The following OTULIN variants were observed in gnomAD, a reference collection of about 807,000 sequenced individuals.
OTULIN encodes OTU deubiquitinase with linear linkage specificity.
Under a neutral mutation model 39.6 loss-of-function variants are expected in OTULIN, and 15 were observed. That is an observed-to-expected ratio of 0.38 (90% CI 0.25 to 0.58). OTULIN has a LOEUF of 0.58. OTULIN is among the 20% of genes least tolerant of loss of function. The pLI is 0.66. For missense variants in OTULIN, 319 were observed against 445.9 expected (o/e 0.72, Z 2.56); for synonymous variants, 156 against 170.3 (o/e 0.92, Z 0.65).
intron 4 of OTULIN, among the ~76,000 whole-genome samples, chr5:14,685,666 T>C (rs566069336): frequency 2.6e-5 from 4 of 152,324 alleles, no homozygotes; most frequent in Admixed American, 2.6e-4. Context: ...TTTCTCTCTG[T>C]GTAGTTAGGT....
rs1736170442 is a variant in OTULIN, at chr5:14,678,777, T to C, written c.324+2T>C. Reference sequence around the variant, plus strand: ...CAGAAAGCAACGTGTATGAAAATGGTATGACACAGAGGTGCACATATTTCA... The same window carrying C: ...CAGAAAGCAACGTGTATGAAAATGGCATGACACAGAGGTGCACATATTTCA... On this transcript the variant is annotated splice_donor_variant, in intron 3 of 6. Coordinates refer to ENST00000284274, the MANE Select transcript of OTULIN (RefSeq NM_138348.6). LOFTEE classifies it high-confidence loss of function. 1 of 1,596,190 alleles carries C rather than the reference T, an allele frequency of 6.3e-7. No individual in the cohort carries two copies. Among genetic ancestry groups the C allele is most frequent in the African/African-American group, 1.3e-5 (1 of 74,146 alleles).
chr5:14,714,665 A>G, the OTULIN span, among the ~76,000 whole-genome samples: 2 of 152,310 alleles, frequency 1.3e-5, no homozygotes, highest in South Asian at 2.1e-4. Flanking sequence ...AGGCAGGCAG[A>G]CAGACCCACT....
chr5:14,689,364 G>A (rs904187371), intron 5 of OTULIN, among the ~76,000 whole-genome samples: 1 of 152,134 alleles, frequency 6.6e-6, no homozygotes, highest in African/African-American at 2.4e-5. Flanking sequence ...TGATTCATAA[G>A]GAATGGTATT....
At chr5:14,668,785 G>A (rs1363953772) in intron 1 of OTULIN, among the ~76,000 whole-genome samples, 3 of 152,240 alleles carry the variant, frequency 2.0e-5, no homozygotes, top group Non-Finnish European at 2.9e-5. Context: ...TTTTCTGTAC[G>A]TATTTACTTG....
chr5:14,674,771 A>C (rs1317680546), intron 2 of OTULIN, among the ~76,000 whole-genome samples: 1 of 152,176 alleles, frequency 6.6e-6, no homozygotes, highest in African/African-American at 2.4e-5. Flanking sequence ...AATAAAAAAT[A>C]AAAATATAAA....
rs1255689768 is a variant in OTULIN, at chr5:14,699,456, C to T, written c.*6408C>T. ...GTCATGTGCAGCAGAAAGACCTCCC[C>T]ACTGTGAACAACAAACCACTTTCCT... is the stretch of plus-strand genomic sequence containing the variant. On this transcript the variant is annotated 3_prime_UTR_variant, in exon 7 of 7. Coordinates refer to ENST00000284274, the MANE Select transcript of OTULIN (RefSeq NM_138348.6). 6.6e-6 allele frequency: 1 copy of T among 152,242 alleles called. No homozygotes were observed. Among genetic ancestry groups the T allele is most frequent in the African/African-American group, 2.4e-5 (1 of 41,458 alleles). 9.4% of individuals were successfully genotyped at this position (152,242 alleles called of 1,614,324 possible).
intron 1 of OTULIN, among the ~76,000 whole-genome samples, chr5:14,672,691 C>T (rs191214553): frequency 1.3e-5 from 2 of 152,262 alleles, no homozygotes; most frequent in East Asian, 3.9e-4. Context: ...GACTTGATGC[C>T]TCCAGTTCCT....
Position 14,696,843 on chromosome 5 carries a change from T to A in OTULIN, c.*3795T>A, listed in dbSNP as rs1277942048. The stretch of plus-strand genomic sequence containing the variant: ...GGGGATGGGAAGACTAGGGAGCCAG[T>A]GCCACGTTGAACAGAACAGTGGTTT... On this transcript the variant is annotated 3_prime_UTR_variant, in exon 7 of 7. Coordinates refer to ENST00000284274, the MANE Select transcript of OTULIN (RefSeq NM_138348.6). 1 of 152,210 alleles carries A rather than the reference T, an allele frequency of 6.6e-6. No individual in the cohort carries two copies. The highest frequency in any genetic ancestry group is 2.4e-5 in the African/African-American group (1 of 41,434). 9.4% of individuals were successfully genotyped at this position (152,210 alleles called of 1,614,324 possible).
the OTULIN span, chr5:14,712,828 C>A: frequency 1.2e-5 from 18 of 1,545,832 alleles, no homozygotes; most frequent in Middle Eastern, 1.8e-4. Context: ...TCTCCTGCAC[C>A]CAGGAGGATG....
downstream of OTULIN, among the ~76,000 whole-genome samples, chr5:14,700,135 C>A (rs1736767789): frequency 6.6e-6 from 1 of 152,184 alleles, no homozygotes; most frequent in Non-Finnish European, 1.5e-5. Flanking sequence ...TCCTGGGAGC[C>A]ATCTGTTCAT....
At chr5:14,691,892 A>G (rs1203438219) in intron 6 of OTULIN, among the ~76,000 whole-genome samples, 1 of 152,166 alleles carries the variant, frequency 6.6e-6, no homozygotes, top group East Asian at 1.9e-4. Flanking sequence ...TGTTTTTAAG[A>G]TTTCATCCAT....
At chr5:14,667,070 T>C (rs1735867757) in intron 1 of OTULIN, among the ~76,000 whole-genome samples, 1 of 152,238 alleles carries the variant, frequency 6.6e-6, no homozygotes, top group Admixed American at 6.5e-5. Context: ...AGAGGAATTA[T>C]TTAAAATGTT....
chr5:14,673,316 A>G (rs546854102), intron 1 of OTULIN, among the ~76,000 whole-genome samples: 1 of 152,336 alleles, frequency 6.6e-6, no homozygotes, highest in Non-Finnish European at 1.5e-5. Context: ...AGCTTCACTA[A>G]TAAGATGCAT....
chr5:14,704,199 G>T (rs1423964753), downstream of OTULIN, among the ~76,000 whole-genome samples: 1 of 151,824 alleles, frequency 6.6e-6, no homozygotes, highest in Admixed American at 6.6e-5. Context: ...GCGTGGTGAC[G>T]TGTGCCTATA....
At chr5:14,679,451 C>G (rs1378650100) in intron 3 of OTULIN, among the ~76,000 whole-genome samples, 1 of 152,232 alleles carries the variant, frequency 6.6e-6, no homozygotes, top group Admixed American at 6.5e-5. Context: ...TGCTCAAAAA[C>G]AGTCAAATAG....
intron 2 of OTULIN, chr5:14,674,266 C>T (rs1222024353): frequency 6.5e-6 from 1 of 152,712 alleles, no homozygotes; most frequent in Non-Finnish European, 1.5e-5. Flanking sequence ...CTGGACCCCT[C>T]CGCTGGTCCG....
chr5:14,685,607 A>G (rs1017751437), intron 4 of OTULIN, among the ~76,000 whole-genome samples: 2 of 152,210 alleles, frequency 1.3e-5, no homozygotes, highest in African/African-American at 2.4e-5. Context: ...CTGGAAGTCT[A>G]CAACCCTGAA....
At chr5:14,672,523 C>T (rs1736004308) in intron 1 of OTULIN, among the ~76,000 whole-genome samples, 1 of 152,080 alleles carries the variant, frequency 6.6e-6, no homozygotes, top group Admixed American at 6.5e-5. Context: ...CTGGCACCTC[C>T]TCCTTCCTGT....
intron 3 of OTULIN, 43 bp downstream of exon 3, chr5:14,678,818 C>G (rs1449897315): frequency 6.0e-6 from 8 of 1,332,686 alleles, no homozygotes; most frequent in Non-Finnish European, 8.4e-6. Context: ...TTCAAATAGT[C>G]TATCATAAGT....
Sources: gnomAD v4.1 joint callset for allele counts (sites outside exome capture counted in the v4.1 genomes callset) on GRCh38, gnomAD v4.1.1 for gene constraint, MANE v1.5 for transcripts, NCBI Gene and HGNC (gene_info 2026-07-23, HGNC 2026-07-21) for gene names.